The following ARHGAP28 variants were observed in gnomAD, a reference collection of about 807,000 sequenced individuals.
ARHGAP28 encodes the protein rho GTPase-activating protein 28.
In ARHGAP28, 56 loss-of-function variants were observed where a neutral mutation model predicts 90.7. That is an observed-to-expected ratio of 0.62 (90% confidence interval 0.50 to 0.77). The LOEUF (loss-of-function observed/expected upper bound fraction) is 0.77, where lower values mean the gene tolerates loss of function less well. Among genes scored for constraint, ARHGAP28 ranks in the 30% least tolerant of loss-of-function variants. ARHGAP28 has a pLI of 0.00. For synonymous variants in ARHGAP28, 308 were observed against 323.3 expected, an observed-to-expected ratio of 0.95 and a Z score of 0.51; for missense variants, 869 against 900.9, an observed-to-expected ratio of 0.96 and a Z score of 0.45.
chr18:6,889,944 T>C lies in ARHGAP28; in HGVS notation c.1593T>C (p.Ser531=). ...VIANESKNRM[S]LWNISTVMAP... is the part of the protein sequence containing the mutation. ...CCAATGAATCAAAAAACCGAATGAG[T>C]CTGTGGAACATTTCTACAGTGATGG... The change falls in exon 13 of 18, where the codon AGT becomes AGC. Residue 531 remains serine (S), a synonymous_variant. Transcript: ENST00000383472. 6.2e-7 allele frequency: 1 copy of C among 1,614,150 alleles called. No homozygotes were observed. The highest frequency in any genetic ancestry group is 1.1e-5 in the South Asian group (1 of 91,080).
chr18:6,846,097 C>T (rs562700568), intron 3 of ARHGAP28, among the ~76,000 whole-genome samples: 1 of 152,130 alleles, frequency 6.6e-6, no homozygotes, highest in African/African-American at 2.4e-5. Context: ...GATAGAAGGA[C>T]GGGGGTTTGC....
chr18:6,850,841 G>T (rs762358832), intron 3 of ARHGAP28, 193 bp from the exon 4 acceptor site: 72 of 1,522,954 alleles, frequency 4.7e-5, no homozygotes, highest in Non-Finnish European at 5.9e-5. Flanking sequence ...ACAGTACATG[G>T]CATTTATGAG....
intron 1 of ARHGAP28, among the ~76,000 whole-genome samples, chr18:6,817,979 A>G (rs570094725): frequency 6.6e-6 from 1 of 152,280 alleles, no homozygotes; most frequent in East Asian, 1.9e-4. Flanking sequence ...TACTTGTTAT[A>G]TTTTAGCACC....
rs1600318289 is a variant in ARHGAP28 at position 6,912,750 on chromosome 18, C to T, written c.*596C>T. ...AAACTGTATTGTTATATATGTCAGG[C>T]TGTGTATTGTGACTATCAGCATTCT... On this transcript the variant is annotated 3_prime_UTR_variant, in exon 18 of 18. Transcript: ENST00000383472. The T allele has an allele frequency of 6.6e-6, 1 of 152,196 alleles. No individual in the cohort carries two copies. The highest frequency in any genetic ancestry group is 2.4e-5 in the African/African-American group (1 of 41,448). The allele number at this position is 152,196 out of a possible 1,614,324, so 9.4% of individuals were successfully genotyped here.
At chr18:6,889,542 G>A (rs1238869934) in intron 12 of ARHGAP28, among the ~76,000 whole-genome samples, 1 of 151,994 alleles carries the variant, frequency 6.6e-6, no homozygotes, top group East Asian at 1.9e-4. Context: ...ACAACCTTTC[G>A]TGTTTATTGA....
chr18:6,750,390 G>A (rs79300846), intron 1 of ARHGAP28, among the ~76,000 whole-genome samples: 6,167 of 152,162 alleles, frequency 0.041, 421 homozygotes, highest in African/African-American at 0.14. Flanking sequence ...ATCACACTCT[G>A]TTCCCTTTCT....
intron 1 of ARHGAP28, among the ~76,000 whole-genome samples, 199 bp from the exon 2 acceptor site, chr18:6,824,563 A>G (rs756257524): frequency 2.5e-4 from 38 of 152,156 alleles, no homozygotes; most frequent in Non-Finnish European, 4.6e-4. Context: ...AAATTAAAAA[A>G]TAAATAAAGT....
chr18:6,914,744 T>C lies in ARHGAP28; in HGVS notation c.*2590T>C, dbSNP rs1049860302. On this transcript the variant is annotated 3_prime_UTR_variant, in exon 18 of 18. Coordinates refer to ENST00000383472, the MANE Select transcript of ARHGAP28 (RefSeq NM_001366230.1). ...TGCTCTTGGTATACACTTGGGAAAA[T>C]AATGTCCTCCAGGAGAAAGTGTTAG... is the stretch of plus-strand genomic sequence containing the variant. The C allele has an allele frequency of 6.6e-5, 10 of 152,136 alleles. No individual in the cohort carries two copies. Among genetic ancestry groups the C allele is most frequent in the African/African-American group, 2.4e-4 (10 of 41,406 alleles). 9.4% of individuals were successfully genotyped at this position (152,136 alleles called of 1,614,324 possible). A position where few individuals can be genotyped will look rare whatever the true frequency, so the allele number is the denominator to read the frequency against.
At chr18:6,745,269 A>G (rs2056013018) in intron 1 of ARHGAP28, among the ~76,000 whole-genome samples, 1 of 152,212 alleles carries the variant, frequency 6.6e-6, no homozygotes, top group South Asian at 2.1e-4. Context: ...GTGCCTGGGA[A>G]GAAAATGGGC....
Position 6,894,836 on chromosome 18 carries a change from C to A in ARHGAP28, c.1850C>A (p.Thr617Asn), listed in dbSNP as rs1197119084. 1.2e-6 allele frequency: 2 copies of A among 1,613,874 alleles called. No individual in the cohort carries two copies. The highest frequency in any genetic ancestry group is 1.7e-6 in the Non-Finnish European group (2 of 1,179,918). Residue 617 changes from threonine to asparagine, a missense_variant and splice_region_variant, in exon 15 of 18, where the codon ACT becomes AAT. Thr to Asn is a moderately conservative substitution (Grantham distance 65, BLOSUM62 0). Coordinates refer to ENST00000383472, the MANE Select transcript of ARHGAP28 (RefSeq NM_001366230.1). ...TCCTAAAGACTGTGTTTCTTTTAGA[C>A]TGCAAGCCCCAAGACTTCAAAGGTA... ...LLRRKTLERE[T>N]ASPKTSKVLQ...
intron 14 of ARHGAP28, 138 bp downstream of exon 14, chr18:6,890,681 C>A: frequency 1.9e-6 from 1 of 532,090 alleles, no homozygotes; most frequent in Non-Finnish European, 3.3e-6. Context: ...CTATAAACAT[C>A]ATGGAAAGTG....
At chr18:6,871,126 T>C (rs890896617) in intron 7 of ARHGAP28, among the ~76,000 whole-genome samples, 1 of 152,190 alleles carries the variant, frequency 6.6e-6, no homozygotes, top group African/African-American at 2.4e-5. Flanking sequence ...AATATCTGTG[T>C]GTGTGCACGG....
In ARHGAP28 at chr18:6,851,087, AAG is replaced by A; in HGVS notation, c.602_603del (p.Glu201AlafsTer14). On this transcript the variant is annotated frameshift_variant, in exon 4 of 18. Coordinates refer to ENST00000383472, the MANE Select transcript of ARHGAP28 (RefSeq NM_001366230.1). LOFTEE classifies it high-confidence loss of function. ...ATCAGCTGGATGGCACCAAGGAAGA[AAG>A]AGAGCTTCCAAGAGTTATCAAGACA... is the stretch of plus-strand genomic sequence containing the variant. ...TNQLDGTKEE[R>X]ELPRVIKTSG... 6.2e-7 allele frequency: 1 copy of A among 1,614,132 alleles called. No homozygotes were observed.
chr18:6,907,186 G>T (rs1323999511), intron 16 of ARHGAP28, among the ~76,000 whole-genome samples: 1 of 152,138 alleles, frequency 6.6e-6, no homozygotes, highest in Non-Finnish European at 1.5e-5. Context: ...AGAGAAACGG[G>T]ATCACTCATT....
intron 1 of ARHGAP28, among the ~76,000 whole-genome samples, chr18:6,785,623 G>A (rs142840954): frequency 5.3e-4 from 80 of 152,298 alleles, no homozygotes; most frequent in Middle Eastern, 3.4e-3. Context: ...CTGGTATGTT[G>A]TAACCCTTAT....
At chr18:6,786,273 T>C (rs1216688484) in intron 1 of ARHGAP28, among the ~76,000 whole-genome samples, 1 of 152,200 alleles carries the variant, frequency 6.6e-6, no homozygotes, top group Non-Finnish European at 1.5e-5. Flanking sequence ...TTATTTTTCC[T>C]TTTCTTTAGT....
At chr18:6,741,095 C>T (rs1174380252) in intron 1 of ARHGAP28, among the ~76,000 whole-genome samples, 1 of 152,168 alleles carries the variant, frequency 6.6e-6, no homozygotes, top group Non-Finnish European at 1.5e-5. Flanking sequence ...ACCACCCTTG[C>T]ACATTATCTT....
chr18:6,884,891 C>G (rs900249983), intron 11 of ARHGAP28, among the ~76,000 whole-genome samples: 1 of 152,150 alleles, frequency 6.6e-6, no homozygotes, highest in Non-Finnish European at 1.5e-5. Context: ...TAATTTTCAT[C>G]CTCCAAAATA....
chr18:6,772,265 T>C (rs1361152163), intron 1 of ARHGAP28, among the ~76,000 whole-genome samples: 1 of 152,228 alleles, frequency 6.6e-6, no homozygotes, highest in Non-Finnish European at 1.5e-5. Flanking sequence ...CTTAATAGTA[T>C]GTTTCAACTG....
Sources: gnomAD v4.1 joint callset for allele counts (sites outside exome capture counted in the v4.1 genomes callset) on GRCh38, gnomAD v4.1.1 for gene constraint, MANE v1.5 for transcripts, NCBI Gene and HGNC (gene_info 2026-07-23, HGNC 2026-07-21) for gene names.